CELSR1: variants seen among roughly 807,000 people sequenced by gnomAD.
The protein encoded by CELSR1 is adhesion G protein-coupled receptor C1.
Under a neutral mutation model 249.1 loss-of-function variants are expected in CELSR1, and 110 were observed. The ratio of observed to expected loss-of-function variants is 0.44; its 90% CI spans 0.38 to 0.52. The LOEUF is 0.52. Among genes scored for constraint, CELSR1 ranks in the 20% least tolerant of loss-of-function variants. The pLI is 0.00. For synonymous variants in CELSR1, 2,113 were observed against 1,900.0 expected (o/e 1.11, Z -2.92); for missense variants, 4,109 against 4,296.4 (o/e 0.96, Z 1.22).
intron 19 of CELSR1, 55 bp from the exon 20 acceptor site, chr22:46,384,741 T>A (rs1240901498): frequency 6.5e-7 from 1 of 1,538,778 alleles, no homozygotes; most frequent in Non-Finnish European, 8.8e-7. Flanking sequence ...CTTGAACCCC[T>A]GCTGTTTTCA....
At chr22:46,365,725 C>T (rs376642404) in intron 30 of CELSR1, 36 bp from the exon 31 acceptor site, 55 of 1,501,806 alleles carry the variant, frequency 3.7e-5, no homozygotes, top group African/African-American at 1.8e-4. Flanking sequence ...CAGTATCATC[C>T]GTCAGGGAAC....
At position 46,536,997 on chromosome 22, in the gene CELSR1, G is replaced by C; in HGVS notation, c.174C>G (p.Pro58=). ...CTYAVGAACT[P]RAPRELLDVG... is the part of the protein sequence containing the mutation. ...CGTCCAGCAGCTCCCGCGGCGCCCGGGGCGTGCAAGCGGCGCCCACCGCGT... is the reference window on the plus strand; with the variant it reads ...CGTCCAGCAGCTCCCGCGGCGCCCGCGGCGTGCAAGCGGCGCCCACCGCGT... Residue 58 remains proline (P), a synonymous_variant, in exon 1 of 35, where the codon CCC becomes CCG. Coordinates refer to ENST00000674500, the MANE Select transcript of CELSR1 (RefSeq NM_001378328.1). 9.0e-7 allele frequency: 1 copy of C among 1,116,238 alleles called. No homozygotes were observed. Among genetic ancestry groups the C allele is most frequent in the Non-Finnish European group, 1.1e-6 (1 of 915,724 alleles). 69.1% of individuals were successfully genotyped at this position (1,116,238 alleles called of 1,614,324 possible). A position where few individuals can be genotyped will look rare whatever the true frequency, so the allele number is the denominator to read the frequency against.
rs2078899481 is a variant in CELSR1 at position 46,374,776 on chromosome 22, A to G, written c.7585-1719T>C. ...CACTTCTCAGAGCCTTCCCAGACCA[A>G]TGCGCGGATGAGAACGTGCCCATTG... On this transcript the variant is annotated intron_variant, in intron 24 of 34. Coordinates refer to ENST00000674500, the MANE Select transcript of CELSR1 (RefSeq NM_001378328.1). The surrounding 1 kb of genome is among the most constrained non-coding windows in gnomAD (Gnocchi z 4.3). Among the ~76,000 whole-genome samples the G allele has an allele frequency of 6.6e-6, 1 of 152,106 alleles. No individual in the cohort carries two copies. The highest frequency in any genetic ancestry group is 2.4e-5 in the African/African-American group (1 of 41,382).
intron 1 of CELSR1, among the ~76,000 whole-genome samples, chr22:46,475,095 C>T (rs1569189931): frequency 6.6e-6 from 1 of 152,180 alleles, no homozygotes; most frequent in Non-Finnish European, 1.5e-5. Context: ...CACTTATTCA[C>T]TTAACATCCT....
At chr22:46,443,141 G>A (rs890421425) in intron 2 of CELSR1, among the ~76,000 whole-genome samples, 2 of 152,188 alleles carry the variant, frequency 1.3e-5, no homozygotes. Flanking sequence ...CTAAGCCAAG[G>A]TGACTCCAGA....
At position 46,430,588 on chromosome 22, in the gene CELSR1, TGTC is replaced by T. The variant is rs2079584031; in HGVS notation, c.4611+2802_4611+2804del. 6.6e-6 allele frequency among the ~76,000 whole-genome samples: 1 copy of T among 152,078 alleles called. No individual in the cohort carries two copies. Among genetic ancestry groups the T allele is most frequent in the African/African-American group, 2.4e-5 (1 of 41,390 alleles). ...TGGGGGTCCCCTCCCACCCTGAGCC[TGTC>T]GTCTTCCCCAAAACCTTCCCTGGTG... is the stretch of plus-strand genomic sequence containing the variant. On this transcript the variant is annotated intron_variant, in intron 5 of 34. Coordinates refer to ENST00000674500, the MANE Select transcript of CELSR1 (RefSeq NM_001378328.1). This position sits in a 1 kb window ranked among gnomAD's most constrained non-coding sequence, Gnocchi z 4.6.
At position 46,536,598 on chromosome 22, in the gene CELSR1, AG is replaced by A. The variant is rs1462189650; in HGVS notation, c.572del (p.Ala191ValfsTer53). ...LRLLCALRRA[A>X]GAVRVGLALE... ...GCGCCAGTCCCACCCGGACGGCGCC[AG>A]CCGCGCGCCGCAGGGCGCACAGCAG... On this transcript the variant is annotated frameshift_variant, in exon 1 of 35. Coordinates refer to ENST00000674500, the MANE Select transcript of CELSR1 (RefSeq NM_001378328.1). LOFTEE classifies it high-confidence loss of function. 1 of 1,187,002 alleles carries A rather than the reference AG, an allele frequency of 8.4e-7. No homozygotes were observed. The highest frequency in any genetic ancestry group is 1.0e-6 in the Non-Finnish European group (1 of 961,930). The allele number at this position is 1,187,002 out of a possible 1,614,324, so 73.5% of individuals were successfully genotyped here.
In CELSR1 at chr22:46,406,538, T is replaced by C. The variant is rs1032472746; in HGVS notation, c.5226+2458A>G. Among the ~76,000 whole-genome samples, 2 of 152,112 alleles carry C rather than the reference T, an allele frequency of 1.3e-5. No homozygotes were observed. The highest frequency in any genetic ancestry group is 4.8e-5 in the African/African-American group (2 of 41,416). On this transcript the variant is annotated intron_variant, in intron 9 of 34. Coordinates refer to ENST00000674500, the MANE Select transcript of CELSR1 (RefSeq NM_001378328.1). The surrounding 1 kb of genome is among the most constrained non-coding windows in gnomAD (Gnocchi z 5.4). Reference sequence around the variant, plus strand: ...ACCAGCCTGCTGGGAGCACTCTCGGTCCTGCCCCCGCCACACTCCAACCAG... The same window carrying C: ...ACCAGCCTGCTGGGAGCACTCTCGGCCCTGCCCCCGCCACACTCCAACCAG...
intron 9 of CELSR1, among the ~76,000 whole-genome samples, chr22:46,400,777 C>T (rs1393615446): frequency 6.6e-6 from 1 of 151,972 alleles, no homozygotes; most frequent in African/African-American, 2.4e-5. Flanking sequence ...CATGGCAAAA[C>T]CTCGTGTCTA....
rs773204736 is a variant in CELSR1, at chr22:46,369,304, A to C, written c.7873-46T>G. The stretch of plus-strand genomic sequence containing the variant: ...TCAATGTCTTCTCTCTCGTCACTGC[A>C]GACCTCCAACTGCCAAAAGCGCCTG... On this transcript the variant is annotated intron_variant, in intron 26 of 34. Coordinates refer to ENST00000674500, the MANE Select transcript of CELSR1 (RefSeq NM_001378328.1). The C allele has an allele frequency of 1.2e-5, 3 of 255,910 alleles. No homozygotes were observed. In the South Asian group the frequency reaches 2.4e-4, roughly 20 times the overall value. The allele number at this position is 255,910 out of a possible 1,614,324, so 15.9% of individuals were successfully genotyped here. A position where few individuals can be genotyped will look rare whatever the true frequency, so the allele number is the denominator to read the frequency against.
In CELSR1 at chr22:46,439,251, C is replaced by T. The variant is rs748860757; in HGVS notation, c.4344G>A (p.Pro1448=). 61 of 1,614,064 alleles carry T rather than the reference C, an allele frequency of 3.8e-5. No individual in the cohort carries two copies. The highest frequency in any genetic ancestry group is 4.5e-5 in the Non-Finnish European group (53 of 1,180,010). ...CCCGGAAGGTGACGAAGGACTGGGGCGGGAAGCTCCTGGTGGTCACCTCAC... is the reference window on the plus strand; with the variant it reads ...CCCGGAAGGTGACGAAGGACTGGGGTGGGAAGCTCCTGGTGGTCACCTCAC... ...PYCEVTTRSF[P]PQSFVTFRGL... Residue 1448 remains proline, a synonymous_variant, in exon 3 of 35, where the codon CCG becomes CCA. Transcript: ENST00000674500.
intron 2 of CELSR1, among the ~76,000 whole-genome samples, chr22:46,450,555 TG>T (rs2079871821): frequency 6.6e-6 from 1 of 152,220 alleles, no homozygotes; most frequent in African/African-American, 2.4e-5. Flanking sequence ...GGCAGTTACT[TG>T]TGCTGGGTCA....
intron 1 of CELSR1, among the ~76,000 whole-genome samples, chr22:46,515,680 G>T (rs1051218318): frequency 6.6e-6 from 1 of 152,168 alleles, no homozygotes; most frequent in Non-Finnish European, 1.5e-5. Flanking sequence ...CCTGCTGGGG[G>T]ATCAGGGGAT....
intron 5 of CELSR1, among the ~76,000 whole-genome samples, chr22:46,416,333 A>G (rs566653912): frequency 2.2e-4 from 34 of 152,322 alleles, no homozygotes; most frequent in African/African-American, 8.2e-4. Flanking sequence ...CTGCCCTTCC[A>G]GGGCTCAGCT....
rs1366762902 is a variant in CELSR1 at position 46,434,524 on chromosome 22, G to A, written c.4523-1043C>T. Among the ~76,000 whole-genome samples the A allele has an allele frequency of 1.3e-5, 2 of 152,248 alleles. No homozygotes were observed. Among genetic ancestry groups the A allele is most frequent in the East Asian group, 3.8e-4 (2 of 5,204 alleles). On this transcript the variant is annotated intron_variant, in intron 4 of 34. Transcript: ENST00000674500. The surrounding 1 kb of genome is among the most constrained non-coding windows in gnomAD (Gnocchi z 4.9). ...GGCTATGGCCACCTCTCCCATGGTG[G>A]TTGGCTGCTGTTACAGGTGCCTCCC...
chr22:46,449,948 G>GCTCA (rs113079709), intron 2 of CELSR1, among the ~76,000 whole-genome samples: 3 of 84,932 alleles, frequency 3.5e-5, no homozygotes, highest in Non-Finnish European at 7.5e-5. Context: ...ACACTCACAT[G>GCTCA]CACGCACTCA....
In CELSR1 at chr22:46,367,138, G is replaced by C; in HGVS notation, c.8080-20C>G. ...GGGGCCCTGGAGGGAGGAAGGTGGG[G>C]TCAGCACCTGCTGCTGCCTCCCTAG... On this transcript the variant is annotated intron_variant, in intron 28 of 34. Transcript: ENST00000674500. 1 of 1,606,968 alleles carries C rather than the reference G, an allele frequency of 6.2e-7. No homozygotes were observed. The highest frequency in any genetic ancestry group is 8.5e-7 in the Non-Finnish European group (1 of 1,177,954).
intron 1 of CELSR1, among the ~76,000 whole-genome samples, chr22:46,486,581 G>A (rs34786717): frequency 0.55 from 82,552 of 150,382 alleles, 22,921 homozygotes; most frequent in African/African-American, 0.64. Flanking sequence ...AGGGGCTCAC[G>A]CCTGTAATCC....
At chr22:46,392,521 C>T (rs572167223) in intron 14 of CELSR1, among the ~76,000 whole-genome samples, 70 of 152,270 alleles carry the variant, frequency 4.6e-4, no homozygotes, top group African/African-American at 1.5e-3. Flanking sequence ...GGGGTGACTG[C>T]GATCTTTATG....
Sources: allele counts gnomAD v4.1 joint callset (sites outside exome capture counted in the v4.1 genomes callset), GRCh38; gene constraint gnomAD v4.1.1; non-coding constraint Gnocchi (gnomAD v3.1); transcripts MANE v1.5; gene names NCBI Gene and HGNC (gene_info 2026-07-23, HGNC 2026-07-21).